The following AFG1L variants were observed in gnomAD, a reference collection of about 807,000 sequenced individuals.
The protein encoded by AFG1L is AFG1 like ATPase.
In AFG1L, 53 loss-of-function variants were observed where a neutral mutation model predicts 62.2. The ratio of observed to expected loss-of-function variants is 0.85; its 90% confidence interval spans 0.68 to 1.07. AFG1L has a LOEUF of 1.07. Ranked by LOEUF, AFG1L falls within the 50% of genes least tolerant of loss-of-function variation. AFG1L has a pLI of 0.00. For missense variants in AFG1L, 555 were observed against 590.5 expected (o/e 0.94, Z 0.62); for synonymous variants, 228 against 210.3 (o/e 1.08, Z -0.73).
chr6:108,431,984 C>T (rs776211001), intron 7 of AFG1L, among the ~76,000 whole-genome samples: 13 of 150,590 alleles, frequency 8.6e-5, no homozygotes, highest in Middle Eastern at 6.8e-3. Context: ...CTACAACTCT[C>T]TGTGCTGGTC....
chr6:108,347,952 G>C (rs1778927202), intron 3 of AFG1L, among the ~76,000 whole-genome samples: 1 of 151,898 alleles, frequency 6.6e-6, no homozygotes, highest in Non-Finnish European at 1.5e-5. Flanking sequence ...TCACACTCTA[G>C]GCTCCCCTAT....
intron 3 of AFG1L, among the ~76,000 whole-genome samples, chr6:108,348,365 A>G (rs1778951403): frequency 6.6e-6 from 1 of 152,274 alleles, no homozygotes; most frequent in South Asian, 2.1e-4. Flanking sequence ...GGCATGAGCC[A>G]TGGCGCCCAG....
At chr6:108,507,457 T>G (rs1418656605) in intron 10 of AFG1L, among the ~76,000 whole-genome samples, 1 of 152,220 alleles carries the variant, frequency 6.6e-6, no homozygotes, top group Non-Finnish European at 1.5e-5. Flanking sequence ...GAATAGTTGC[T>G]AATGTAATGG....
intron 7 of AFG1L, among the ~76,000 whole-genome samples, chr6:108,431,459 G>A (rs1156626261): frequency 1.3e-5 from 2 of 152,102 alleles, no homozygotes; most frequent in African/African-American, 4.8e-5. Flanking sequence ...TATTTTACAA[G>A]AGTCTGAATA....
intron 7 of AFG1L, among the ~76,000 whole-genome samples, chr6:108,441,595 A>C (rs1290697637): frequency 2.6e-5 from 4 of 151,824 alleles, no homozygotes; most frequent in African/African-American, 9.7e-5. Flanking sequence ...TTTTGACTAG[A>C]TTCACTGTCG....
chr6:108,414,496 G>C (rs1163134935), intron 7 of AFG1L, among the ~76,000 whole-genome samples: 2 of 152,290 alleles, frequency 1.3e-5, no homozygotes, highest in Middle Eastern at 6.8e-3. Context: ...CAATATCCCT[G>C]ATGAAGATCG....
intron 8 of AFG1L, among the ~76,000 whole-genome samples, chr6:108,457,873 G>A (rs1772312934): frequency 6.6e-6 from 1 of 151,936 alleles, no homozygotes; most frequent in African/African-American, 2.4e-5. Context: ...TGATAGGCTG[G>A]CTGGCTTTCC....
At position 108,315,580 on chromosome 6, in the gene AFG1L, C is replaced by CT. The variant is rs1329729447; in HGVS notation, c.140-8239dup. ...TTCCTTGTTCTCTTTTCTTTCCTTC[C>CT]TTTTTTGTTGCTTTTTTAGAGATAG... On this transcript the variant is annotated intron_variant, in intron 1 of 12. Coordinates refer to ENST00000368977, the MANE Select transcript of AFG1L (RefSeq NM_145315.5). Among the ~76,000 whole-genome samples, 12 of 152,088 alleles carry CT rather than the reference C, an allele frequency of 7.9e-5. No individual in the cohort carries two copies. In the East Asian group the frequency reaches 2.1e-3, roughly 27 times the overall value.
At chr6:108,451,600 G>A (rs1249050157) in intron 8 of AFG1L, among the ~76,000 whole-genome samples, 1 of 152,170 alleles carries the variant, frequency 6.6e-6, no homozygotes, top group Non-Finnish European at 1.5e-5. Flanking sequence ...GACCTTGATT[G>A]CAAATATCCA....
At chr6:108,446,216 C>T (rs920382238) in intron 7 of AFG1L, among the ~76,000 whole-genome samples, 1 of 151,934 alleles carries the variant, frequency 6.6e-6, no homozygotes. Flanking sequence ...GGTGTATGTG[C>T]TTGTGTGCAC....
chr6:108,379,157 C>T (rs1455679470), intron 6 of AFG1L, among the ~76,000 whole-genome samples: 1 of 151,896 alleles, frequency 6.6e-6, no homozygotes, highest in Non-Finnish European at 1.5e-5. Flanking sequence ...ATTGCAGGCA[C>T]CCACTACCAT....
At chr6:108,316,967 T>C (rs1361699933) in intron 1 of AFG1L, among the ~76,000 whole-genome samples, 1 of 152,202 alleles carries the variant, frequency 6.6e-6, no homozygotes, top group Non-Finnish European at 1.5e-5. Flanking sequence ...ATATACAATA[T>C]ACAATTTTCT....
intron 6 of AFG1L, chr6:108,387,904 TTTTA>T (rs1236737572): frequency 5.9e-5 from 9 of 152,184 alleles, no homozygotes; most frequent in East Asian, 3.9e-4. Flanking sequence ...GCTAGAATTT[TTTTA>T]TTTATTTATT....
intron 3 of AFG1L, among the ~76,000 whole-genome samples, chr6:108,354,602 G>A (rs1455263411): frequency 6.6e-6 from 1 of 152,012 alleles, no homozygotes; most frequent in African/African-American, 2.4e-5. Context: ...ACCACGTCTG[G>A]CCTATATACT....
chr6:108,311,969 A>G (rs1400618154), intron 1 of AFG1L, among the ~76,000 whole-genome samples: 2 of 151,996 alleles, frequency 1.3e-5, no homozygotes, highest in African/African-American at 2.4e-5. Flanking sequence ...GGTTCAAGTG[A>G]TTCTCATGCC....
At chr6:108,517,520 T>A (rs1405748846) in intron 11 of AFG1L, among the ~76,000 whole-genome samples, 2 of 152,174 alleles carry the variant, frequency 1.3e-5, no homozygotes, top group Non-Finnish European at 2.9e-5. Flanking sequence ...GATTAAAGAC[T>A]TAAATGTCAG....
chr6:108,522,390 C>A lies in AFG1L; in HGVS notation c.1411C>A (p.Gln471Lys). The A allele has an allele frequency of 6.2e-7, 1 of 1,614,020 alleles. No individual in the cohort carries two copies. Among genetic ancestry groups the A allele is most frequent in the Admixed American group, 1.7e-5 (1 of 60,028 alleles). The part of the protein sequence containing the change: ...ISRLTEMQTE[Q>K]YWNEGDRTKK ...CCGACTCACGGAAATGCAGACTGAA[C>A]AGTACTGGAATGAAGGAGACAGAAC... The change falls in exon 13 of 13, where the codon CAG becomes AAG. Residue 471 changes from glutamine (Q) to lysine (K), a missense_variant. Gln to Lys is a moderately conservative substitution (Grantham distance 53, BLOSUM62 1). Coordinates refer to ENST00000368977, the MANE Select transcript of AFG1L (RefSeq NM_145315.5).
chr6:108,371,732 T>C (rs1780016178), intron 6 of AFG1L, among the ~76,000 whole-genome samples: 1 of 152,124 alleles, frequency 6.6e-6, no homozygotes, highest in Non-Finnish European at 1.5e-5. Flanking sequence ...TTTCTGGCAG[T>C]CTCAAAATGT....
chr6:108,469,105 G>C (rs1772788278), intron 8 of AFG1L, among the ~76,000 whole-genome samples: 1 of 152,182 alleles, frequency 6.6e-6, no homozygotes, highest in African/African-American at 2.4e-5. Flanking sequence ...CTAATCAGAA[G>C]TTCTGAGTGC....
Sources: allele counts gnomAD v4.1 joint callset (sites outside exome capture counted in the v4.1 genomes callset), GRCh38; gene constraint gnomAD v4.1.1; transcripts MANE v1.5; gene names NCBI Gene and HGNC (gene_info 2026-07-23, HGNC 2026-07-21).